Variants in RAI1 observed in about 807,000 individuals in gnomAD.
The protein encoded by RAI1 is retinoic acid-induced protein 1.
RAI1 carries 9 observed loss-of-function variants against 123.8 expected under a neutral mutation model. The observed-to-expected ratio is 0.07, with a 90% CI of 0.04 to 0.13. The LOEUF (loss-of-function observed/expected upper bound fraction) is 0.13. Among genes scored for constraint, RAI1 ranks in the 10% least tolerant of loss-of-function variants. RAI1 has a pLI of 1.00. For missense variants in RAI1, 2,256 were observed against 2,545.8 expected, an observed-to-expected ratio of 0.89 and a Z score of 2.45; for synonymous variants, 1,231 against 1,127.3, an observed-to-expected ratio of 1.09 and a Z score of -1.84.
At chr17:17,744,971 G>A (rs1297712095) in intron 2 of RAI1, among the ~76,000 whole-genome samples, 3 of 152,012 alleles carry the variant, frequency 2.0e-5, no homozygotes, top group Non-Finnish European at 2.9e-5. Flanking sequence ...GCTGAACCCC[G>A]AGGATTTCAG....
rs966736533 is a variant in RAI1, at chr17:17,709,597, C to T, written c.-148-14431C>T. On this transcript the variant is annotated intron_variant, in intron 1 of 5. Transcript: ENST00000353383. The stretch of plus-strand genomic sequence containing the variant: ...AGCTGCCCACTAGGTCTCTTTCCTT[C>T]CCTTCCCTGGGTCTGCCCCCAGGCC... Among the ~76,000 whole-genome samples, 71 of 152,208 alleles carry T rather than the reference C, an allele frequency of 4.7e-4. 1 individual carries two copies. Among genetic ancestry groups the T allele is most frequent in the Non-Finnish European group, 4.9e-4 (33 of 68,034 alleles).
chr17:17,721,861 G>A (rs766733872), intron 1 of RAI1, among the ~76,000 whole-genome samples: 22 of 152,206 alleles, frequency 1.4e-4, no homozygotes, highest in Non-Finnish European at 2.6e-4. Context: ...ATTCACTTCT[G>A]GTAGGGAGGG....
intron 1 of RAI1, among the ~76,000 whole-genome samples, chr17:17,695,481 C>T (rs1199703596): frequency 3.3e-5 from 5 of 152,154 alleles, no homozygotes; most frequent in African/African-American, 1.2e-4. Flanking sequence ...GCCCTAAGTC[C>T]CTAGTTACTA....
chr17:17,781,851 C>T (rs573405568), intron 2 of RAI1, among the ~76,000 whole-genome samples: 22 of 152,266 alleles, frequency 1.4e-4, no homozygotes, highest in African/African-American at 5.3e-4. Context: ...CCACCGCTGC[C>T]GGAGGGTCTG....
intron 2 of RAI1, among the ~76,000 whole-genome samples, chr17:17,742,219 C>T (rs1916659502): frequency 1.3e-5 from 2 of 152,210 alleles, no homozygotes; most frequent in Admixed American, 1.3e-4. Context: ...ATGGCTTTGC[C>T]CTGCTTGCCC....
chr17:17,764,321 G>A lies in RAI1; in HGVS notation c.-16-28612G>A, dbSNP rs886111938. On this transcript the variant is annotated intron_variant, in intron 2 of 5. Transcript: ENST00000353383. ...GAATTTCTGCAAACCAAACACACTCGGGTATAACTGAAGTTCAGATCAAGA... is the reference window on the plus strand; with the variant it reads ...GAATTTCTGCAAACCAAACACACTCAGGTATAACTGAAGTTCAGATCAAGA... Among the ~76,000 whole-genome samples the A allele has an allele frequency of 2.0e-4, 31 of 152,130 alleles. 1 individual carries two copies. Among genetic ancestry groups the A allele is most frequent in the Admixed American group, 9.2e-4 (14 of 15,270 alleles).
intron 2 of RAI1, among the ~76,000 whole-genome samples, chr17:17,727,853 C>A (rs528335714): frequency 6.6e-6 from 1 of 152,012 alleles, no homozygotes; most frequent in Non-Finnish European, 1.5e-5. Context: ...GGAGACCCCC[C>A]GGGGAGAAGG....
intron 2 of RAI1, among the ~76,000 whole-genome samples, chr17:17,765,428 A>G (rs778661810): frequency 1.3e-5 from 2 of 152,230 alleles, no homozygotes; most frequent in African/African-American, 2.4e-5. Flanking sequence ...CTTCCAGGCG[A>G]CTTGGGGGTC....
In RAI1 at chr17:17,811,108, T is replaced by A. The variant is rs1008323697; in HGVS notation, c.*1127T>A. Reference sequence around the variant, plus strand: ...CAGTCCGTCCGCCTGTCCGTCCGTGTCCTCAGCTCTGTCCACGCTTCGATA... The same window carrying A: ...CAGTCCGTCCGCCTGTCCGTCCGTGACCTCAGCTCTGTCCACGCTTCGATA... On this transcript the variant is annotated 3_prime_UTR_variant, in exon 6 of 6. Coordinates refer to ENST00000353383, the MANE Select transcript of RAI1 (RefSeq NM_030665.4). The A allele has an allele frequency of 8.2e-5, 24 of 291,916 alleles. No individual in the cohort carries two copies. The highest frequency in any genetic ancestry group is 1.4e-4 in the Non-Finnish European group (21 of 147,470). 18.1% of individuals were successfully genotyped at this position (291,916 alleles called of 1,614,324 possible). A position where few individuals can be genotyped will look rare whatever the true frequency, so the allele number is the denominator to read the frequency against.
At position 17,794,769 on chromosome 17, in the gene RAI1, G is replaced by A; in HGVS notation, c.1821G>A (p.Leu607=). The part of the protein sequence containing the change: ...LLLSALAQED[L]ASEILGLQEA... The stretch of plus-strand genomic sequence containing the variant: ...TCAGCGCCCTGGCACAGGAGGACCT[G>A]GCCTCCGAGATCCTGGGGCTGCAGG... Residue 607 remains leucine (L), a synonymous_variant, in exon 3 of 6, where the codon CTG becomes CTA. Coordinates refer to ENST00000353383, the MANE Select transcript of RAI1 (RefSeq NM_030665.4). 2 of 1,613,016 alleles carry A rather than the reference G, an allele frequency of 1.2e-6. No individual in the cohort carries two copies. The highest frequency in any genetic ancestry group is 1.7e-6 in the Non-Finnish European group (2 of 1,180,002).
At chr17:17,808,399 ATTTTATTTTATTTTATTATTTTATT>A in intron 4 of RAI1, among the ~76,000 whole-genome samples, 1 of 101,508 alleles carries the variant, frequency 9.9e-6, no homozygotes, top group East Asian at 7.4e-4. Flanking sequence ...ATTTTATTTT[ATTTTATTTTATTTTATTATTTTATT>A]TTATTTTATT....
At chr17:17,775,637 AATCT>A (rs2031318214) in intron 2 of RAI1, among the ~76,000 whole-genome samples, 1 of 152,222 alleles carries the variant, frequency 6.6e-6, no homozygotes, top group South Asian at 2.1e-4. Flanking sequence ...GAGACAATCG[AATCT>A]ATTTACTAGT....
chr17:17,792,330 T>C (rs73981066), intron 2 of RAI1, among the ~76,000 whole-genome samples: 6,779 of 151,788 alleles, frequency 0.045, 485 homozygotes, highest in African/African-American at 0.15. Context: ...TGTGTGTGTG[T>C]GCGCGCGTGT....
chr17:17,796,465 G>T lies in RAI1; in HGVS notation c.3517G>T (p.Ala1173Ser). Residue 1173 changes from alanine to serine, a missense_variant, in exon 3 of 6, where the codon GCC becomes TCC. Coordinates refer to ENST00000353383, the MANE Select transcript of RAI1 (RefSeq NM_030665.4). The surrounding 1 kb of genome is among the most constrained non-coding windows in gnomAD (Gnocchi z 5.8). ...PSEGRLPNCR[A>S]TKKLLDNSHL... ...TGAGGGCCGGCTCCCCAACTGCCGTGCCACCAAGAAGCTCCTCGACAACAG... is the reference window on the plus strand; with the variant it reads ...TGAGGGCCGGCTCCCCAACTGCCGTTCCACCAAGAAGCTCCTCGACAACAG... 1.2e-6 allele frequency: 2 copies of T among 1,612,336 alleles called. No homozygotes were observed. Among genetic ancestry groups the T allele is most frequent in the Non-Finnish European group, 1.7e-6 (2 of 1,179,958 alleles).
intron 2 of RAI1, among the ~76,000 whole-genome samples, chr17:17,782,649 G>T (rs2031634125): frequency 6.7e-6 from 1 of 150,192 alleles, no homozygotes. Flanking sequence ...AGGACCCAGT[G>T]GGGACCGAAG....
intron 2 of RAI1, chr17:17,759,329 C>T (rs1176423299): frequency 1.3e-5 from 2 of 152,226 alleles, no homozygotes; most frequent in Non-Finnish European, 2.9e-5. Flanking sequence ...AATCAGGACA[C>T]AAGTTGAGAC....
At chr17:17,682,723 G>C (rs1019408004) in intron 1 of RAI1, among the ~76,000 whole-genome samples, 4 of 152,190 alleles carry the variant, frequency 2.6e-5, no homozygotes, top group Admixed American at 2.6e-4. Context: ...CGCGGCCCCA[G>C]CTTCCTGGGG....
At chr17:17,723,581 G>T (rs2142929390) in intron 1 of RAI1, among the ~76,000 whole-genome samples, 1 of 148,886 alleles carries the variant, frequency 6.7e-6, no homozygotes, top group East Asian at 2.0e-4. Context: ...CCTCGCAGCG[G>T]GTGACCCCGA....
intron 4 of RAI1, among the ~76,000 whole-genome samples, chr17:17,807,351 C>T (rs2032614968): frequency 6.6e-6 from 1 of 152,158 alleles, no homozygotes; most frequent in Admixed American, 6.5e-5. Flanking sequence ...CTGTGTCAGG[C>T]ACTGGGACTG....
Sources: allele counts gnomAD v4.1 joint callset (sites outside exome capture counted in the v4.1 genomes callset), GRCh38; gene constraint gnomAD v4.1.1; non-coding constraint Gnocchi (gnomAD v3.1); transcripts MANE v1.5; gene names NCBI Gene and HGNC (gene_info 2026-07-23, HGNC 2026-07-21).